Variants in IFI35 observed in about 807,000 individuals in gnomAD.
The protein encoded by IFI35 is interferon-induced 35 kDa protein.
In IFI35, 30 loss-of-function variants were observed where a neutral mutation model predicts 28.6. The observed-to-expected ratio is 1.05, with a 90% CI of 0.79 to 1.43. The LOEUF (loss-of-function observed/expected upper bound fraction) is 1.43, where lower values mean the gene tolerates loss of function less well. IFI35 is among the 40% of genes most tolerant of loss of function. The probability of loss-of-function intolerance (pLI) is 0.00; values close to 1 mark genes in which losing one functional copy is unlikely to be tolerated. For synonymous variants in IFI35, 146 were observed against 154.8 expected (o/e 0.94, Z 0.42); for missense variants, 372 against 356.9 (o/e 1.04, Z -0.34).
Position 43,009,947 on chromosome 17 carries a change from A to G in IFI35, c.22-2232A>G, listed in dbSNP as rs531368815. 2.4e-4 allele frequency among the ~76,000 whole-genome samples: 36 copies of G among 150,470 alleles called. 1 individual carries two copies. The South Asian group carries it at 6.9e-3, about 29-fold the overall frequency. Reference sequence around the variant, plus strand: ...GACTCCGTCTCAGAAAAGAAAAAAAAATAGAGGGCTGGGCGCGGTGTCTCA... The same window carrying G: ...GACTCCGTCTCAGAAAAGAAAAAAAGATAGAGGGCTGGGCGCGGTGTCTCA... On this transcript the variant is annotated intron_variant, in intron 1 of 6. Transcript: ENST00000415816.
At chr17:43,012,305 G>C (rs773694910) in intron 2 of IFI35, 28 bp downstream of exon 2, 2 of 1,529,896 alleles carry the variant, frequency 1.3e-6, no homozygotes, top group Non-Finnish European at 1.8e-6. Flanking sequence ...GTGTTGTTTG[G>C]TAAAAACGAG....
chr17:43,006,908 G>T lies in IFI35; in HGVS notation c.-40G>T. The T allele has an allele frequency of 6.2e-7, 1 of 1,613,420 alleles. No individual in the cohort carries two copies. The highest frequency in any genetic ancestry group is 8.5e-7 in the Non-Finnish European group (1 of 1,179,338). On this transcript the variant is annotated 5_prime_UTR_variant, in exon 1 of 7. Transcript: ENST00000415816. ...GCTGTGAATTCTGCCACTGTGCCCA[G>T]CTCTGAAGCCTCAGCTCTTGCCAAA...
chr17:43,012,219 T>C lies in IFI35; in HGVS notation c.62T>C (p.Met21Thr). Residue 21 changes from methionine (M) to threonine (T), a missense_variant, in exon 2 of 7, where the codon ATG (methionine) becomes ACG (threonine). By Grantham distance (81) the Met-to-Thr change is moderately conservative (BLOSUM62 -1). Transcript: ENST00000415816. ...ALQEEQARLK[M>T]RLWDLQQLRK... Reference sequence around the variant, plus strand: ...CAGGAGGAGCAGGCCAGACTCAAGATGAGGCTGTGGGACCTGCAGCAGCTG... The same window carrying C: ...CAGGAGGAGCAGGCCAGACTCAAGACGAGGCTGTGGGACCTGCAGCAGCTG... The C allele has an allele frequency of 6.3e-7, 1 of 1,579,418 alleles. No homozygotes were observed. The highest frequency in any genetic ancestry group is 8.6e-7 in the Non-Finnish European group (1 of 1,162,184).
At chr17:43,009,482 C>T (rs773547714) in intron 1 of IFI35, among the ~76,000 whole-genome samples, 76 of 151,810 alleles carry the variant, frequency 5.0e-4, no homozygotes, top group South Asian at 1.0e-3. Flanking sequence ...GAGCCGGGCA[C>T]GGTGGCTCAC....
intron 1 of IFI35, among the ~76,000 whole-genome samples, chr17:43,007,188 A>G (rs927621845): frequency 6.6e-6 from 1 of 152,196 alleles, no homozygotes; most frequent in African/African-American, 2.4e-5. Context: ...CTGTGTGTGT[A>G]CACTTCTCTG....
chr17:43,013,082 C>G lies in IFI35; in HGVS notation c.156C>G (p.Phe52Leu), dbSNP rs2050476609. 6.2e-7 allele frequency: 1 copy of G among 1,614,088 alleles called. No homozygotes were observed. The highest frequency in any genetic ancestry group is 8.5e-7 in the Non-Finnish European group (1 of 1,180,028). ...PFSVPKIPLVFRGHTQQDPEV... is the reference protein window; with the variant it reads ...PFSVPKIPLVLRGHTQQDPEV... ...CAGTGCCCAAGATCCCCCTGGTATT[C>G]CGAGGACACACCCAGCAGGACCCGG... is the stretch of plus-strand genomic sequence containing the variant. The change falls in exon 3 of 7, where the codon TTC (phenylalanine) becomes TTG (leucine). Residue 52 changes from phenylalanine (F) to leucine (L), a missense_variant. By Grantham distance (22) the Phe-to-Leu change is conservative. Transcript: ENST00000415816.
chr17:43,012,849 C>A, intron 2 of IFI35, 198 bp from the exon 3 acceptor site: 1 of 613,454 alleles, frequency 1.6e-6, no homozygotes, highest in Non-Finnish European at 2.9e-6. Flanking sequence ...TAGAGCTACC[C>A]ACCTCCCAGG....
intron 1 of IFI35, among the ~76,000 whole-genome samples, chr17:43,009,978 G>A (rs1278330326): frequency 6.6e-6 from 1 of 151,418 alleles, no homozygotes; most frequent in Non-Finnish European, 1.5e-5. Context: ...TCTCACACCT[G>A]TAATCCCAGC....
At chr17:43,013,725 G>GGA in intron 5 of IFI35, 51 bp from the exon 6 acceptor site, 1 of 1,608,696 alleles carries the variant, frequency 6.2e-7, no homozygotes, top group Non-Finnish European at 8.5e-7. Context: ...TACGGTGCAG[G>GGA]GAGAGGAGAG....
chr17:43,008,517 ATTTTTTT>A (rs34213054), intron 1 of IFI35, among the ~76,000 whole-genome samples: 2 of 41,070 alleles, frequency 4.9e-5, no homozygotes, highest in African/African-American at 1.0e-4. Flanking sequence ...CGCCTGGCTC[ATTTTTTT>A]TTTTTTTTTT....
At position 43,013,138 on chromosome 17, in the gene IFI35, G is replaced by A. The variant is rs763377602; in HGVS notation, c.212G>A (p.Arg71Gln). The change falls in exon 3 of 7, where the codon CGG becomes CAG. Residue 71 changes from arginine (R) to glutamine (Q), a missense_variant. Arg to Gln is a conservative substitution (Grantham distance 43). Coordinates refer to ENST00000415816, the MANE Select transcript of IFI35 (RefSeq NM_001330230.2). The part of the protein sequence containing the change: ...EVPKSLVSNL[R>Q]IHCPLLAGSA... ...CCTAAGTCTTTAGTTTCCAATTTGC[G>A]GATCCACTGCCCTCTGCTTGCGGGC... The A allele has an allele frequency of 6.2e-6, 10 of 1,613,884 alleles. No individual in the cohort carries two copies. The highest frequency in any genetic ancestry group is 7.6e-6 in the Non-Finnish European group (9 of 1,180,022).
At position 43,013,094 on chromosome 17, in the gene IFI35, C is replaced by A; in HGVS notation, c.168C>A (p.Thr56=). 1 of 1,614,062 alleles carries A rather than the reference C, an allele frequency of 6.2e-7. No homozygotes were observed. The highest frequency in any genetic ancestry group is 8.5e-7 in the Non-Finnish European group (1 of 1,180,018). ...TCCCCCTGGTATTCCGAGGACACAC[C>A]CAGCAGGACCCGGAAGTGCCTAAGT... ...PKIPLVFRGH[T]QQDPEVPKSL... is the part of the protein sequence containing the mutation. The change falls in exon 3 of 7, where the codon ACC becomes ACA. Residue 56 remains threonine, a synonymous_variant. Coordinates refer to ENST00000415816, the MANE Select transcript of IFI35 (RefSeq NM_001330230.2).
chr17:43,007,505 A>G (rs1177523614), intron 1 of IFI35, among the ~76,000 whole-genome samples: 2 of 142,788 alleles, frequency 1.4e-5, no homozygotes, highest in African/African-American at 5.2e-5. Context: ...ACTCTGTCTA[A>G]AAAAAAAAAA....
chr17:43,014,220 G>A lies in IFI35; in HGVS notation c.782G>A (p.Gly261Glu), dbSNP rs2050499297. ...ATCCACTTCCAGAAGCCCACCCGCGGGGGCGGGGAGGTAGAGGCCCTGACA... is the reference window on the plus strand; with the variant it reads ...ATCCACTTCCAGAAGCCCACCCGCGAGGGCGGGGAGGTAGAGGCCCTGACA... ...LEIHFQKPTR[G>E]GGEVEALTVV... Residue 261 changes from glycine (G) to glutamate (E), a missense_variant, in exon 7 of 7, where the codon GGG becomes GAG. Gly to Glu is a moderately conservative substitution (Grantham distance 98). Transcript: ENST00000415816. 2 of 1,612,918 alleles carry A rather than the reference G, an allele frequency of 1.2e-6. No homozygotes were observed. Among genetic ancestry groups the A allele is most frequent in the African/African-American group, 1.3e-5 (1 of 74,908 alleles).
intron 1 of IFI35, among the ~76,000 whole-genome samples, chr17:43,009,021 G>T (rs2050434647): frequency 6.6e-6 from 1 of 151,834 alleles, no homozygotes; most frequent in Non-Finnish European, 1.5e-5. Flanking sequence ...TTGGAGACAA[G>T]ATCTCACTGT....
At position 43,013,341 on chromosome 17, in the gene IFI35, C is replaced by A. The variant is rs1357176258; in HGVS notation, c.343C>A (p.Pro115Thr). 6.2e-7 allele frequency: 1 copy of A among 1,614,072 alleles called. No individual in the cohort carries two copies. The highest frequency in any genetic ancestry group is 8.5e-7 in the Non-Finnish European group (1 of 1,180,000). The change falls in exon 4 of 7, where the codon CCC becomes ACC. Residue 115 changes from proline (P) to threonine (T), a missense_variant. By Grantham distance (38) the Pro-to-Thr change is conservative. Coordinates refer to ENST00000415816, the MANE Select transcript of IFI35 (RefSeq NM_001330230.2). ...GTGCCGGCTGCGGGTGCAGGTCCAG[C>A]CCTTGGAGCTGCCCATGGTCACCAC... ...EECRLRVQVQ[P>T]LELPMVTTIQ...
chr17:43,011,046 GA>G (rs1400864881), intron 1 of IFI35, among the ~76,000 whole-genome samples: 2 of 152,298 alleles, frequency 1.3e-5, no homozygotes, highest in Admixed American at 1.3e-4. Context: ...GTGTACAGTG[GA>G]AAGTGTGACA....
chr17:43,011,829 G>A (rs559579260), intron 1 of IFI35, among the ~76,000 whole-genome samples: 1 of 152,280 alleles, frequency 6.6e-6, no homozygotes, highest in East Asian at 1.9e-4. Context: ...CTTGAGCACT[G>A]TTTGGCAGGC....
Position 43,013,360 on chromosome 17 carries a change from T to A in IFI35, c.362T>A (p.Val121Asp), listed in dbSNP as rs1223120119. The change falls in exon 4 of 7, where the codon GTC becomes GAC. Residue 121 changes from valine to aspartate, a missense_variant. Val to Asp is a radical substitution (Grantham distance 152). Transcript: ENST00000415816. ...GTCCAGCCCTTGGAGCTGCCCATGG[T>A]CACCACCATCCAGGTGATGGTATGA... ...VQVQPLELPMVTTIQMSSQLS... is the reference protein window; with the variant it reads ...VQVQPLELPMDTTIQMSSQLS... 1 of 1,613,836 alleles carries A rather than the reference T, an allele frequency of 6.2e-7. No homozygotes were observed. Among genetic ancestry groups the A allele is most frequent in the Non-Finnish European group, 8.5e-7 (1 of 1,179,980 alleles).
Sources: gnomAD v4.1 joint callset for allele counts (sites outside exome capture counted in the v4.1 genomes callset) on GRCh38, gnomAD v4.1.1 for gene constraint, MANE v1.5 for transcripts, NCBI Gene and HGNC (gene_info 2026-07-23, HGNC 2026-07-21) for gene names.